Variants in PCDH15 observed in about 807,000 individuals in gnomAD.
PCDH15 encodes the protein protocadherin-15.
In PCDH15, 129 loss-of-function variants were observed where a neutral mutation model predicts 178.5. The ratio of observed to expected loss-of-function variants is 0.72; its 90% CI spans 0.63 to 0.84. The LOEUF (loss-of-function observed/expected upper bound fraction) is 0.84. PCDH15 is among the 40% of genes least tolerant of loss of function. The probability of loss-of-function intolerance (pLI) is 0.00; values close to 1 mark genes in which losing one functional copy is unlikely to be tolerated. For synonymous variants in PCDH15, 800 were observed against 732.0 expected, an observed-to-expected ratio of 1.09 and a Z score of -1.50; for missense variants, 2,230 against 2,099.9, an observed-to-expected ratio of 1.06 and a Z score of -1.21.
chr10:55,243,146 TC>T (rs1170610482), intron 1 of PCDH15, among the ~76,000 whole-genome samples: 1 of 152,074 alleles, frequency 6.6e-6, no homozygotes, highest in Non-Finnish European at 1.5e-5. Context: ...GGAAGTTTAT[TC>T]CCCAGGATAG....
intron 15 of PCDH15, among the ~76,000 whole-genome samples, chr10:54,124,747 TC>T (rs1365455962): frequency 6.6e-6 from 1 of 152,162 alleles, no homozygotes; most frequent in Non-Finnish European, 1.5e-5. Context: ...TCCTGTATCA[TC>T]TTCAGAGCAA....
intron 15 of PCDH15, among the ~76,000 whole-genome samples, chr10:54,115,570 C>T (rs74973676): frequency 6.6e-6 from 1 of 152,308 alleles, no homozygotes; most frequent in African/African-American, 2.4e-5. Flanking sequence ...TTGATGCAGA[C>T]ATATAAACAG....
At chr10:54,300,034 G>A (rs978408617) in intron 8 of PCDH15, among the ~76,000 whole-genome samples, 10 of 152,138 alleles carry the variant, frequency 6.6e-5, no homozygotes, top group Non-Finnish European at 1.5e-5. Flanking sequence ...AAGAAATAAC[G>A]AAATCTATCC....
Position 54,106,500 on chromosome 10 carries a change from A to G in PCDH15, c.1918-16437T>C, listed in dbSNP as rs79014927. Among the ~76,000 whole-genome samples, 1,442 of 152,330 alleles carry G rather than the reference A, an allele frequency of 9.5e-3. 22 individuals are homozygous for G. Among genetic ancestry groups the G allele is most frequent in the African/African-American group, 0.033 (1,392 of 41,574 alleles). On this transcript the variant is annotated intron_variant, in intron 15 of 37. Transcript: ENST00000644397. ...ATCTTCCTAAGGGAAATGTTAACAT[A>G]GGTGGATCCTATAGGAGTGAGTCTG...
intron 8 of PCDH15, among the ~76,000 whole-genome samples, chr10:54,287,966 A>G (rs1244766951): frequency 1.3e-5 from 2 of 152,102 alleles, no homozygotes; most frequent in African/African-American, 4.8e-5. Context: ...CACTTCACAT[A>G]ATGGGGGAAA....
At chr10:55,028,375 C>T (rs1922155) in intron 2 of PCDH15, among the ~76,000 whole-genome samples, 86,239 of 151,420 alleles carry the variant, frequency 0.57, 24,880 homozygotes, top group East Asian at 0.75. Flanking sequence ...ATAAGAATAC[C>T]GTCTGAGCTC....
chr10:54,324,425 C>T (rs2061805355), intron 7 of PCDH15, among the ~76,000 whole-genome samples: 1 of 152,070 alleles, frequency 6.6e-6, no homozygotes, highest in Admixed American at 6.6e-5. Flanking sequence ...CCTTGCTATT[C>T]ATAAAATAAT....
intron 3 of PCDH15, among the ~76,000 whole-genome samples, chr10:54,398,260 C>T (rs1289340145): frequency 1.3e-5 from 2 of 151,148 alleles, no homozygotes; most frequent in Non-Finnish European, 3.0e-5. Flanking sequence ...ATTAAAAAAA[C>T]ACTATGGAAG....
intron 2 of PCDH15, among the ~76,000 whole-genome samples, chr10:55,511,912 T>C (rs1158015044): frequency 6.6e-6 from 1 of 152,024 alleles, no homozygotes; most frequent in Non-Finnish European, 1.5e-5. Context: ...AAATCCCTAT[T>C]TCAGTGACTA....
intron 2 of PCDH15, among the ~76,000 whole-genome samples, chr10:55,520,537 A>G (rs1279713195): frequency 1.2e-4 from 16 of 137,106 alleles, no homozygotes; most frequent in South Asian, 2.4e-4. Flanking sequence ...ATATATATGT[A>G]TATATATTTA....
intron 1 of PCDH15, among the ~76,000 whole-genome samples, chr10:55,215,302 A>G (rs2132175810): frequency 6.6e-6 from 1 of 152,252 alleles, no homozygotes; most frequent in Non-Finnish European, 1.5e-5. Flanking sequence ...TATCCTTCAT[A>G]TTTGAATTCA....
intron 2 of PCDH15, among the ~76,000 whole-genome samples, chr10:55,152,296 C>G (rs1171108502): frequency 6.6e-6 from 1 of 151,956 alleles, no homozygotes; most frequent in Non-Finnish European, 1.5e-5. Context: ...TAAATACAGT[C>G]AAAATGAGTC....
chr10:54,144,222 A>G (rs1039885798), intron 14 of PCDH15, among the ~76,000 whole-genome samples: 8 of 152,108 alleles, frequency 5.3e-5, no homozygotes, highest in African/African-American at 1.9e-4. Flanking sequence ...GCAGCCAGAA[A>G]GACTGACAAC....
At position 55,381,501 on chromosome 10, in the gene PCDH15, A is replaced by G. The variant is rs144551966; in HGVS notation, c.-155-214850T>C. ...AGAGATGAAAGGTCATGGTCATCCA[A>G]CAGAGCATACTGGAGAACAAGAGAG... is the stretch of plus-strand genomic sequence containing the variant. On this transcript the variant is annotated intron_variant, in intron 2 of 5. Coordinates refer to the PCDH15 transcript ENST00000613346. Among the ~76,000 whole-genome samples, 505 of 152,208 alleles carry G rather than the reference A, an allele frequency of 3.3e-3. 2 individuals carry two copies. The highest frequency in any genetic ancestry group is 9.9e-3 in the African/African-American group (410 of 41,546).
intron 26 of PCDH15, among the ~76,000 whole-genome samples, chr10:53,881,531 T>C (rs1564674108): frequency 6.6e-6 from 1 of 152,202 alleles, no homozygotes; most frequent in Non-Finnish European, 1.5e-5. Flanking sequence ...AAAACGTTTA[T>C]GCCAATAGAG....
At chr10:54,606,581 G>A (rs1243227020) in intron 2 of PCDH15, 1 of 152,080 alleles carries the variant, frequency 6.6e-6, no homozygotes, top group East Asian at 1.9e-4. Context: ...ATTTTGTGCT[G>A]TCTTGGACAT....
chr10:54,139,052 A>ATTTTTATACAT (rs1486464182), intron 14 of PCDH15, among the ~76,000 whole-genome samples: 1 of 152,194 alleles, frequency 6.6e-6, no homozygotes, highest in African/African-American at 2.4e-5. Context: ...AAATGCCTTT[A>ATTTTTATACAT]GAATTGTCAG....
At position 54,153,187 on chromosome 10, in the gene PCDH15, G is replaced by A. The variant is rs2044723585; in HGVS notation, c.1697C>T (p.Thr566Ile). The change falls in exon 14 of 38, where the codon ACC (threonine) becomes ATC (isoleucine). Residue 566 changes from threonine to isoleucine, a missense_variant. Physicochemically the swap from Thr to Ile is moderately conservative, Grantham distance 89. Transcript: ENST00000644397. Reference sequence around the variant, plus strand: ...TATCATTTCCACCCCTGGAGCGATGGTGATAAGCCCTGTTGTTTTATTGAT... The same window carrying A: ...TATCATTTCCACCCCTGGAGCGATGATGATAAGCCCTGTTGTTTTATTGAT... ...FIINKTTGLI[T>I]IAPGVEMIVG... 6.2e-7 allele frequency: 1 copy of A among 1,613,762 alleles called. No individual in the cohort carries two copies. Among genetic ancestry groups the A allele is most frequent in the Non-Finnish European group, 8.5e-7 (1 of 1,179,884 alleles).
chr10:53,839,202 CAAAAAAAAAAAA>C (rs758823713), intron 29 of PCDH15, among the ~76,000 whole-genome samples: 1 of 74,618 alleles, frequency 1.3e-5, no homozygotes, highest in Non-Finnish European at 2.5e-5. Flanking sequence ...GTCTCCGTCT[CAAAAAAAAAAAA>C]AAAAAAAAAG....
Sources: allele counts gnomAD v4.1 joint callset (sites outside exome capture counted in the v4.1 genomes callset), GRCh38; gene constraint gnomAD v4.1.1; transcripts MANE v1.5; gene names NCBI Gene and HGNC (gene_info 2026-07-23, HGNC 2026-07-21).